IL2: variants seen among roughly 807,000 people sequenced by gnomAD.
IL2 encodes interleukin-2.
A neutral mutation model predicts 14.6 loss-of-function variants in IL2; 3 were observed. That is an observed-to-expected ratio of 0.21 (90% CI 0.09 to 0.53). IL2 has a LOEUF of 0.53. Among genes scored for constraint, IL2 ranks in the 20% least tolerant of loss-of-function variants. The pLI is 0.95. For synonymous variants in IL2, 71 were observed against 60.0 expected (o/e 1.18, Z -0.85); for missense variants, 125 against 170.8 (o/e 0.73, Z 1.50).
In IL2 at chr4:122,451,480, T is replaced by A. The variant is rs1797676094; in HGVS notation, c.*272A>T. 5.2e-6 allele frequency: 1 copy of A among 193,704 alleles called. No individual in the cohort carries two copies. Among genetic ancestry groups the A allele is most frequent in the Admixed American group, 6.0e-5 (1 of 16,670 alleles). The allele number at this position is 193,704 out of a possible 1,614,324, so 12.0% of individuals were successfully genotyped here. ...AAATATCCAGGCTTGTTTATATTTA[T>A]CAAATTTATTAAATAGTTTTACTAA... On this transcript the variant is annotated 3_prime_UTR_variant, in exon 4 of 4. Transcript: ENST00000226730.
chr4:122,453,256 G>GT (rs869160364), intron 3 of IL2, among the ~76,000 whole-genome samples: 292 of 145,506 alleles, frequency 2.0e-3, no homozygotes, highest in Middle Eastern at 7.1e-3. Context: ...AATGGCTCCA[G>GT]TTTTTTTTTT....
chr4:122,454,827 T>C (rs1797714188), intron 2 of IL2, among the ~76,000 whole-genome samples: 1 of 151,856 alleles, frequency 6.6e-6, no homozygotes, highest in South Asian at 2.1e-4. Context: ...GTTTCAAACT[T>C]AGATTTCCAT....
intron 3 of IL2, 88 bp downstream of exon 3, chr4:122,453,622 A>G: frequency 2.5e-6 from 3 of 1,183,668 alleles, no homozygotes; most frequent in Non-Finnish European, 3.6e-6. Flanking sequence ...TACAAATACC[A>G]AAAATGTTAT....
chr4:122,455,185 G>C (rs906537412), intron 2 of IL2, among the ~76,000 whole-genome samples: 2 of 151,784 alleles, frequency 1.3e-5, no homozygotes, highest in Non-Finnish European at 3.0e-5. Context: ...GATTGCATCT[G>C]TGTCCCCTTA....
chr4:122,456,044 C>A, intron 2 of IL2, 100 bp downstream of exon 2: 5 of 796,764 alleles, frequency 6.3e-6, no homozygotes, highest in Non-Finnish European at 2.1e-6. Context: ...TAAAGTTACT[C>A]TTTACCTCAG....
In IL2 at chr4:122,451,786, G is replaced by T; in HGVS notation, c.428C>A (p.Thr143Asn). ...TGTTGAGATGATGCTTTGACAAAAG[G>T]TAATCCATCTGTTCAGAAATTCTAC... ...TIVEFLNRWI[T>N]FCQSIISTLT The change falls in exon 4 of 4, where the codon ACC becomes AAC. Residue 143 changes from threonine (T) to asparagine (N), a missense_variant. Physicochemically the swap from Thr to Asn is moderately conservative, Grantham distance 65. Transcript: ENST00000226730. 6.3e-7 allele frequency: 1 copy of T among 1,586,722 alleles called. No individual in the cohort carries two copies. The highest frequency in any genetic ancestry group is 2.3e-5 in the East Asian group (1 of 43,714).
At position 122,451,714 on chromosome 4, in the gene IL2, G is replaced by A. The variant is rs1165246569; in HGVS notation, c.*38C>T. 1 of 740,906 alleles carries A rather than the reference G, an allele frequency of 1.3e-6. No homozygotes were observed. Among genetic ancestry groups the A allele is most frequent in the East Asian group, 3.0e-5 (1 of 33,664 alleles). The allele number at this position is 740,906 out of a possible 1,614,324, so 45.9% of individuals were successfully genotyped here. On this transcript the variant is annotated 3_prime_UTR_variant, in exon 4 of 4. Transcript: ENST00000226730. ...TAAAATTTAAATATTTAAATAAATA[G>A]AAGGCCTGATATGTTTTAAGTGGGA...
chr4:122,452,966 T>A (rs941786004), intron 3 of IL2, among the ~76,000 whole-genome samples: 2 of 151,990 alleles, frequency 1.3e-5, no homozygotes, highest in Non-Finnish European at 2.9e-5. Flanking sequence ...TTAATTCAAC[T>A]GAAACAGTCC....
chr4:122,454,734 T>C (rs1164880442), intron 2 of IL2, among the ~76,000 whole-genome samples: 3 of 151,866 alleles, frequency 2.0e-5, no homozygotes, highest in Non-Finnish European at 4.4e-5. Flanking sequence ...TGGAATCAAA[T>C]ATTTTTATTA....
intron 2 of IL2, 88 bp from the exon 3 acceptor site, chr4:122,453,941 T>C: frequency 8.4e-7 from 1 of 1,185,950 alleles, no homozygotes; most frequent in Non-Finnish European, 1.2e-6. Context: ...AGTAGCAGTA[T>C]GTAGTTTTTA....
chr4:122,454,368 C>T (rs1797709339), intron 2 of IL2, among the ~76,000 whole-genome samples: 1 of 151,736 alleles, frequency 6.6e-6, no homozygotes. Flanking sequence ...GAGCAAGACA[C>T]ATTTTTAAAT....
chr4:122,454,946 G>A (rs957128524), intron 2 of IL2, among the ~76,000 whole-genome samples: 22 of 151,626 alleles, frequency 1.5e-4, no homozygotes, highest in East Asian at 7.7e-4. Flanking sequence ...CATCTATTGC[G>A]CTTTCAATTC....
rs2069773 is a variant in IL2, at chr4:122,451,878, G to A, written c.352-16C>T. On this transcript the variant is annotated splice_polypyrimidine_tract_variant and intron_variant, in intron 3 of 3. Transcript: ENST00000226730. Reference sequence around the variant, plus strand: ...TTTCAGATCCCTATAAAAGAAAAATGTTAATTTTTTAAAGTACAGAGTAGT... The same window carrying A: ...TTTCAGATCCCTATAAAAGAAAAATATTAATTTTTTAAAGTACAGAGTAGT... 540 of 1,419,060 alleles carry A rather than the reference G, an allele frequency of 3.8e-4. 4 individuals carry two copies. The African/African-American group carries it at 6.8e-3, about 18-fold the overall frequency. 87.9% of individuals were successfully genotyped at this position (1,419,060 alleles called of 1,614,324 possible).
At chr4:122,456,232 G>A in intron 1 of IL2, 29 bp from the exon 2 acceptor site, 2 of 1,598,274 alleles carry the variant, frequency 1.3e-6, no homozygotes, top group Non-Finnish European at 1.7e-6. Context: ...TTGTTATTAA[G>A]AAATGATCTC....
At chr4:122,453,900 C>T (rs1468625357) in intron 2 of IL2, 47 bp from the exon 3 acceptor site, 1 of 1,514,484 alleles carries the variant, frequency 6.6e-7, no homozygotes, top group South Asian at 1.2e-5. Flanking sequence ...AGGTCAGAAT[C>T]AGAAATTAAT....
At chr4:122,456,065 A>G in intron 2 of IL2, 79 bp downstream of exon 2, 2 of 1,012,114 alleles carry the variant, frequency 2.0e-6, no homozygotes, top group Non-Finnish European at 3.1e-6. Context: ...ATGAGCTGCT[A>G]TTAGTCCCAT....
chr4:122,456,429 C>T lies in IL2; in HGVS notation c.12G>A (p.Met4Ile). Residue 4 changes from methionine to isoleucine, a missense_variant, in exon 1 of 4, where the codon ATG becomes ATA. Transcript: ENST00000226730. Reference protein sequence around the residue: MYRMQLLSCIALSL... With the variant: MYRIQLLSCIALSL... ...TTAGTGCAATGCAAGACAGGAGTTGCATCCTGTACATTGTGGCAGGAGTTG... is the reference window on the plus strand; with the variant it reads ...TTAGTGCAATGCAAGACAGGAGTTGTATCCTGTACATTGTGGCAGGAGTTG... 6.8e-6 allele frequency: 11 copies of T among 1,608,972 alleles called. No homozygotes were observed. Among genetic ancestry groups the T allele is most frequent in the Non-Finnish European group, 9.3e-6 (11 of 1,176,646 alleles).
At chr4:122,454,630 T>G (rs1031606981) in intron 2 of IL2, among the ~76,000 whole-genome samples, 1 of 151,838 alleles carries the variant, frequency 6.6e-6, no homozygotes, top group African/African-American at 2.4e-5. Flanking sequence ...ACTTTATAAA[T>G]AAGCACACTA....
At position 122,456,288 on chromosome 4, in the gene IL2, A is replaced by G; in HGVS notation, c.147+6T>C. 1 of 1,603,514 alleles carries G rather than the reference A, an allele frequency of 6.2e-7. No individual in the cohort carries two copies. Among genetic ancestry groups the G allele is most frequent in the Non-Finnish European group, 8.5e-7 (1 of 1,171,254 alleles). ...ATAATTTTAGTAAGAAAGGAAATAT[A>G]CTTACATTAATTCCATTCAAAATCA... On this transcript the variant is annotated splice_donor_region_variant and intron_variant, in intron 1 of 3. Coordinates refer to ENST00000226730, the MANE Select transcript of IL2 (RefSeq NM_000586.4).
Sources: allele counts gnomAD v4.1 joint callset (sites outside exome capture counted in the v4.1 genomes callset), GRCh38; gene constraint gnomAD v4.1.1; transcripts MANE v1.5; gene names NCBI Gene and HGNC (gene_info 2026-07-23, HGNC 2026-07-21).